CCDC141: variants seen among roughly 807,000 people sequenced by gnomAD.
The protein encoded by CCDC141 is coiled-coil domain containing 141.
Under a neutral mutation model 181.0 loss-of-function variants are expected in CCDC141, and 168 were observed. The observed-to-expected ratio is 0.93, with a 90% CI of 0.82 to 1.05. The LOEUF (loss-of-function observed/expected upper bound fraction) is 1.05, where lower values mean the gene tolerates loss of function less well. Among genes scored for constraint, CCDC141 ranks in the 50% least tolerant of loss-of-function variants. The pLI, the probability that CCDC141 is intolerant of heterozygous loss-of-function variation, is 0.00. For missense variants in CCDC141, 1,902 were observed against 1,788.5 expected, an observed-to-expected ratio of 1.06 and a Z score of -1.14; for synonymous variants, 666 against 642.3, an observed-to-expected ratio of 1.04 and a Z score of -0.56.
intron 2 of CCDC141, among the ~76,000 whole-genome samples, chr2:179,014,575 GA>G (rs1327019217): frequency 6.6e-6 from 1 of 151,394 alleles, no homozygotes; most frequent in East Asian, 1.9e-4. Context: ...AAATCAGCAA[GA>G]AAAAAACAAA....
At chr2:179,022,907 T>C (rs908024623) in intron 2 of CCDC141, among the ~76,000 whole-genome samples, 1 of 146,272 alleles carries the variant, frequency 6.8e-6, no homozygotes, top group African/African-American at 2.6e-5. Context: ...ACGGCCTCAG[T>C]ATTGCTAACT....
chr2:178,966,948 T>G (rs1222890168), intron 4 of CCDC141, among the ~76,000 whole-genome samples: 1 of 151,586 alleles, frequency 6.6e-6, no homozygotes, highest in African/African-American at 2.4e-5. Context: ...GAGAACTTCG[T>G]GAAGCATACA....
At chr2:178,979,619 G>T (rs769543405) in intron 2 of CCDC141, among the ~76,000 whole-genome samples, 17 of 152,048 alleles carry the variant, frequency 1.1e-4, no homozygotes, top group Non-Finnish European at 2.2e-4. Flanking sequence ...AATACTTTTT[G>T]AAAATAAAGA....
intron 17 of CCDC141, among the ~76,000 whole-genome samples, chr2:178,861,068 G>T (rs1382912501): frequency 6.6e-6 from 1 of 152,108 alleles, no homozygotes; most frequent in East Asian, 1.9e-4. Flanking sequence ...ATACCATCCA[G>T]ATGGACCCAG....
At chr2:178,927,386 G>T (rs917018035) in intron 6 of CCDC141, among the ~76,000 whole-genome samples, 1 of 152,058 alleles carries the variant, frequency 6.6e-6, no homozygotes, top group Non-Finnish European at 1.5e-5. Flanking sequence ...TTCTGCTTTG[G>T]GGTATCTGAG....
chr2:178,961,342 AG>A lies in CCDC141; in HGVS notation c.667del (p.Leu223PhefsTer12), dbSNP rs1459272635. On this transcript the variant is annotated frameshift_variant, in exon 5 of 24. Coordinates refer to ENST00000443758, the MANE Select transcript of CCDC141 (RefSeq NM_173648.4). LOFTEE classifies it high-confidence loss of function. Reference protein sequence around the residue: ...AHSSCLKVDRLLELLQDRRRQ... With the variant: ...AHSSCLKVDRXLELLQDRRRQ... ...TCTCCTGTCTTGTAGAAGTTCAAGA[AG>A]GCGGTCAACCTTCAGACAGCTGCTA... The A allele has an allele frequency of 6.4e-6, 10 of 1,550,500 alleles. No individual in the cohort carries two copies. The Admixed American group carries it at 2.0e-4, about 30-fold the overall frequency.
intron 6 of CCDC141, among the ~76,000 whole-genome samples, chr2:178,932,132 T>G (rs1415240779): frequency 3.3e-5 from 5 of 152,148 alleles, no homozygotes. Flanking sequence ...CACTCCAGCC[T>G]AGGTGACAGA....
At chr2:178,893,202 G>A (rs2154371440) in intron 8 of CCDC141, among the ~76,000 whole-genome samples, 1 of 147,350 alleles carries the variant, frequency 6.8e-6, no homozygotes, top group East Asian at 2.1e-4. Context: ...GGGAAGTGGA[G>A]GGGGAAGAAA....
intron 2 of CCDC141, among the ~76,000 whole-genome samples, chr2:179,034,028 G>T (rs2043071362): frequency 2.0e-5 from 3 of 151,982 alleles, no homozygotes; most frequent in Admixed American, 2.0e-4. Flanking sequence ...TAGTTAAGTT[G>T]TTCTACTAAA....
chr2:178,941,958 CAAAAAAAAAAAAAAAAAAAAAAAAAAA>C (rs66903231), intron 6 of CCDC141, among the ~76,000 whole-genome samples: 8 of 71,490 alleles, frequency 1.1e-4, no homozygotes, highest in East Asian at 1.1e-3. Context: ...GATCCCATCT[CAAAAAAAAAAAAAAAAAAAAAAAAAAA>C]AAAAAAAAAA....
intron 2 of CCDC141, among the ~76,000 whole-genome samples, chr2:178,989,362 G>A (rs1691915682): frequency 6.6e-6 from 1 of 151,968 alleles, no homozygotes; most frequent in South Asian, 2.1e-4. Context: ...GGGAGGCCGA[G>A]GCAGGCAGGT....
At chr2:178,844,326 A>G (rs1384605708) in intron 22 of CCDC141, among the ~76,000 whole-genome samples, 5 of 152,208 alleles carry the variant, frequency 3.3e-5, no homozygotes, top group African/African-American at 4.8e-5. Context: ...TGATTTTAGT[A>G]TAATAGATGC....
At chr2:179,049,439 C>T (rs1391543633) in intron 1 of CCDC141, among the ~76,000 whole-genome samples, 2 of 152,122 alleles carry the variant, frequency 1.3e-5, no homozygotes, top group Admixed American at 6.6e-5. Context: ...ACCTCCATCA[C>T]ATCCACTCTC....
chr2:178,923,872 G>T (rs1291901561), intron 6 of CCDC141, among the ~76,000 whole-genome samples: 1 of 152,158 alleles, frequency 6.6e-6, no homozygotes, highest in African/African-American at 2.4e-5. Flanking sequence ...AAGAGGATTA[G>T]TGCTGACAGA....
chr2:179,013,951 A>C lies in CCDC141; in HGVS notation c.225+33333T>G, dbSNP rs866575369. ...ACTCCAGCCTGGGCTACAGAGTGAG[A>C]CTCCATCTCAAAAAAAAAAAAAAAA... is the stretch of plus-strand genomic sequence containing the variant. On this transcript the variant is annotated intron_variant, in intron 2 of 23. Coordinates refer to ENST00000443758, the MANE Select transcript of CCDC141 (RefSeq NM_173648.4). Among the ~76,000 whole-genome samples, 19 of 107,698 alleles carry C rather than the reference A, an allele frequency of 1.8e-4. No homozygotes were observed. The South Asian group carries it at 1.8e-3, about 10-fold the overall frequency. The allele number at this position is 107,698 out of a possible 152,430, so 70.7% of individuals were successfully genotyped here.
intron 2 of CCDC141, among the ~76,000 whole-genome samples, chr2:178,998,486 T>G (rs1402329156): frequency 6.6e-6 from 1 of 152,010 alleles, no homozygotes; most frequent in Admixed American, 6.6e-5. Context: ...CATGCTTCAG[T>G]TTTTTTTCTT....
intron 2 of CCDC141, among the ~76,000 whole-genome samples, chr2:179,045,917 A>G (rs1341107527): frequency 2.3e-5 from 1 of 43,558 alleles, no homozygotes; most frequent in Non-Finnish European, 6.3e-5. Context: ...AGGAGCTGTC[A>G]AACGGGAATA....
intron 6 of CCDC141, among the ~76,000 whole-genome samples, chr2:178,922,768 C>T (rs1323627324): frequency 6.6e-6 from 1 of 152,192 alleles, no homozygotes; most frequent in African/African-American, 2.4e-5. Flanking sequence ...GGAGTAGAGC[C>T]AAGCCTTTGA....
chr2:178,973,885 T>C (rs545043971), intron 4 of CCDC141, among the ~76,000 whole-genome samples: 13 of 152,218 alleles, frequency 8.5e-5, no homozygotes, highest in Admixed American at 6.5e-4. Flanking sequence ...ATTCTACTCA[T>C]TTCCTTTGGA....
Sources: allele counts gnomAD v4.1 joint callset (sites outside exome capture counted in the v4.1 genomes callset), GRCh38; gene constraint gnomAD v4.1.1; transcripts MANE v1.5; gene names NCBI Gene and HGNC (gene_info 2026-07-23, HGNC 2026-07-21).